ITPR1: variants seen among roughly 807,000 people sequenced by gnomAD.
The protein encoded by ITPR1 is inositol 1,4,5-trisphosphate receptor type 1.
Under a neutral mutation model 318.4 loss-of-function variants are expected in ITPR1, and 96 were observed. That is an observed-to-expected ratio of 0.30 (90% CI 0.26 to 0.36). The LOEUF (loss-of-function observed/expected upper bound fraction) is 0.36. ITPR1 is among the 10% of genes least tolerant of loss of function. The pLI, the probability that ITPR1 is intolerant of heterozygous loss-of-function variation, is 1.00. For synonymous variants in ITPR1, 1,312 were observed against 1,289.9 expected (o/e 1.02, Z -0.37); for missense variants, 2,440 against 3,460.2 (o/e 0.71, Z 7.40).
At chr3:4,632,689 G>T (rs1391392947) in intron 5 of ITPR1, among the ~76,000 whole-genome samples, 1 of 152,076 alleles carries the variant, frequency 6.6e-6, no homozygotes, top group Non-Finnish European at 1.5e-5. Flanking sequence ...TGCAACCTGT[G>T]CTCTATATGT....
chr3:4,695,897 A>G (rs1311288855), intron 33 of ITPR1, among the ~76,000 whole-genome samples: 1 of 152,212 alleles, frequency 6.6e-6, no homozygotes, highest in African/African-American at 2.4e-5. Flanking sequence ...ACTTCCGTCC[A>G]GGGTGTGTGG....
intron 31 of ITPR1, among the ~76,000 whole-genome samples, chr3:4,689,784 C>T (rs9866837): frequency 0.43 from 65,635 of 151,962 alleles, 15,564 homozygotes; most frequent in Non-Finnish European, 0.56. Context: ...TCTTACAAGG[C>T]ATGCAAAGAA....
intron 4 of ITPR1, among the ~76,000 whole-genome samples, chr3:4,619,051 T>G (rs1011236078): frequency 6.6e-6 from 1 of 152,258 alleles, no homozygotes; most frequent in Non-Finnish European, 1.5e-5. Flanking sequence ...AATTCTAGAT[T>G]GAGAATTCTT....
At chr3:4,836,481 C>T (rs1285189261) in intron 60 of ITPR1, among the ~76,000 whole-genome samples, 1 of 152,076 alleles carries the variant, frequency 6.6e-6, no homozygotes, top group South Asian at 2.1e-4. Flanking sequence ...AAGATCAGAG[C>T]AGCAGTGGCA....
chr3:4,778,393 A>G (rs2046613993), intron 48 of ITPR1, among the ~76,000 whole-genome samples: 1 of 152,184 alleles, frequency 6.6e-6, no homozygotes, highest in Non-Finnish European at 1.5e-5. Context: ...CTAGAACTAC[A>G]GGGTTTTGGC....
chr3:4,673,265 C>T lies in ITPR1; in HGVS notation c.2334C>T (p.Leu778=), dbSNP rs36103112. Residue 778 remains leucine, a synonymous_variant, in exon 21 of 62, where the codon CTC becomes CTT. Coordinates refer to ENST00000649015, the MANE Select transcript of ITPR1 (RefSeq NM_001378452.1). The stretch of plus-strand genomic sequence containing the variant: ...CTGACGAGAACCTGCCCTATGACCT[C>T]AGGGCGTCCTTCTGCCGCCTCATGC... ...CMSDENLPYD[L]RASFCRLMLH... 5.8e-4 allele frequency: 941 copies of T among 1,613,956 alleles called. 2 individuals are homozygous for T. The African/African-American group carries it at 0.011, about 18-fold the overall frequency.
chr3:4,626,935 C>T (rs2092846639), intron 4 of ITPR1, among the ~76,000 whole-genome samples: 1 of 152,178 alleles, frequency 6.6e-6, no homozygotes, highest in East Asian at 1.9e-4. Flanking sequence ...TCTTGTGCCT[C>T]AGCCACTGGA....
intron 51 of ITPR1, among the ~76,000 whole-genome samples, chr3:4,787,433 G>A (rs550113705): frequency 4.0e-5 from 6 of 148,644 alleles, no homozygotes; most frequent in East Asian, 2.0e-4. Flanking sequence ...AGTGGCTCAC[G>A]CCTGTAATCC....
At chr3:4,573,515 C>T (rs1442038313) in intron 4 of ITPR1, among the ~76,000 whole-genome samples, 2 of 152,186 alleles carry the variant, frequency 1.3e-5, no homozygotes, top group Non-Finnish European at 2.9e-5. Context: ...TGTCATTCCT[C>T]TGCTTAAAAC....
chr3:4,713,430 GT>G (rs2041528991), intron 39 of ITPR1, among the ~76,000 whole-genome samples: 1 of 152,204 alleles, frequency 6.6e-6, no homozygotes, highest in Admixed American at 6.5e-5. Flanking sequence ...TATACATGCA[GT>G]TCCCTGCAGT....
intron 40 of ITPR1, among the ~76,000 whole-genome samples, chr3:4,719,843 T>A (rs2042021986): frequency 6.6e-6 from 1 of 152,100 alleles, no homozygotes; most frequent in Non-Finnish European, 1.5e-5. Context: ...GGTTGTTTGT[T>A]TTTTGGCAAG....
rs965416843 is a variant in ITPR1 at position 4,761,905 on chromosome 3, G to A, written c.5545-4625G>A. Among the ~76,000 whole-genome samples the A allele has an allele frequency of 5.3e-5, 8 of 152,348 alleles. No homozygotes were observed. In the East Asian group the frequency reaches 1.2e-3, roughly 22 times the overall value. On this transcript the variant is annotated intron_variant, in intron 44 of 61. Coordinates refer to ENST00000649015, the MANE Select transcript of ITPR1 (RefSeq NM_001378452.1). ...GCTTAATGAACAGGTCTGTGACTGT[G>A]TGGAGGGCTCTTGTCTCTCTAAGTC... is the stretch of plus-strand genomic sequence containing the variant.
intron 4 of ITPR1, among the ~76,000 whole-genome samples, chr3:4,534,145 A>C (rs2083652651): frequency 6.6e-6 from 1 of 152,182 alleles, no homozygotes; most frequent in African/African-American, 2.4e-5. Flanking sequence ...TAGGGGATAC[A>C]AGTGCAGTTT....
chr3:4,678,801 G>C (rs1307335436), intron 24 of ITPR1, among the ~76,000 whole-genome samples: 3 of 152,154 alleles, frequency 2.0e-5, no homozygotes, highest in Non-Finnish European at 2.9e-5. Context: ...CTGAAGCCGA[G>C]TACCATGGGA....
chr3:4,813,288 T>C (rs931069283), intron 57 of ITPR1, 54 bp downstream of exon 57: 2 of 1,212,556 alleles, frequency 1.6e-6, no homozygotes, highest in Non-Finnish European at 2.4e-6. Flanking sequence ...TCCAGAGGCT[T>C]AGCTGATGCA....
At chr3:4,666,072 G>A (rs58029644) in intron 17 of ITPR1, among the ~76,000 whole-genome samples, 8,973 of 152,154 alleles carry the variant, frequency 0.059, 388 homozygotes, top group East Asian at 0.11. Flanking sequence ...TGCCTAAAAT[G>A]TCAGTAGTGC....
Position 4,659,585 on chromosome 3 carries a change from G to A in ITPR1, c.1151+1307G>A, listed in dbSNP as rs562959455. Among the ~76,000 whole-genome samples the A allele has an allele frequency of 4.6e-5, 7 of 152,132 alleles. No individual in the cohort carries two copies. The East Asian group carries it at 1.4e-3, about 29-fold the overall frequency. ...ACCTGTAGTCCCAGCTACTTTGAAG[G>A]CTGAGGTGGGAGTATCCTAAGCCTG... On this transcript the variant is annotated intron_variant, in intron 13 of 61. Transcript: ENST00000649015.
intron 40 of ITPR1, among the ~76,000 whole-genome samples, chr3:4,720,458 TC>T (rs1358997166): frequency 6.6e-6 from 1 of 152,220 alleles, no homozygotes; most frequent in Non-Finnish European, 1.5e-5. Flanking sequence ...AGCGAAGTAC[TC>T]CCGAGGTGGT....
chr3:4,710,551 A>G lies in ITPR1; in HGVS notation c.4991+78A>G. 7.0e-7 allele frequency: 1 copy of G among 1,419,050 alleles called. No homozygotes were observed. The highest frequency in any genetic ancestry group is 9.6e-7 in the Non-Finnish European group (1 of 1,045,236). The allele number at this position is 1,419,050 out of a possible 1,614,324, so 87.9% of individuals were successfully genotyped here. A position where few individuals can be genotyped will look rare whatever the true frequency, so the allele number is the denominator to read the frequency against. Reference sequence around the variant, plus strand: ...ACAAAGCTTTTGTTCCCGAAGAAGGAGACGTTGTCCTGTTTTTTAACTTTG... The same window carrying G: ...ACAAAGCTTTTGTTCCCGAAGAAGGGGACGTTGTCCTGTTTTTTAACTTTG... On this transcript the variant is annotated intron_variant, in intron 38 of 61. Coordinates refer to ENST00000649015, the MANE Select transcript of ITPR1 (RefSeq NM_001378452.1). This position sits in a 1 kb window ranked among gnomAD's most constrained non-coding sequence, Gnocchi z 4.2.
Sources: allele counts gnomAD v4.1 joint callset (sites outside exome capture counted in the v4.1 genomes callset), GRCh38; gene constraint gnomAD v4.1.1; non-coding constraint Gnocchi (gnomAD v3.1); transcripts MANE v1.5; gene names NCBI Gene and HGNC (gene_info 2026-07-23, HGNC 2026-07-21).